Variants in DGKI observed in about 807,000 individuals in gnomAD.
DGKI encodes DAG kinase iota.
A neutral mutation model predicts 147.5 loss-of-function variants in DGKI; 55 were observed. The observed-to-expected ratio is 0.37, with a 90% CI of 0.30 to 0.47. The LOEUF is 0.47. Ranked by LOEUF, DGKI falls within the 20% of genes least tolerant of loss-of-function variation. The pLI is 1.00. For synonymous variants in DGKI, 469 were observed against 477.1 expected (o/e 0.98, Z 0.22); for missense variants, 1,007 against 1,323.8 (o/e 0.76, Z 3.71).
intron 2 of DGKI, 79 bp from the exon 3 acceptor site, chr7:137,678,731 T>A: frequency 7.6e-7 from 1 of 1,307,274 alleles, no homozygotes; most frequent in South Asian, 1.2e-5. Flanking sequence ...AGATTTGGGA[T>A]ACAAGAAAGT....
chr7:137,611,659 A>G (rs1820368507), intron 8 of DGKI, among the ~76,000 whole-genome samples: 1 of 152,190 alleles, frequency 6.6e-6, no homozygotes. Context: ...AGTTATAACC[A>G]GCAAAGGTAC....
chr7:137,413,845 T>A (rs1812257155), intron 28 of DGKI, among the ~76,000 whole-genome samples: 1 of 152,218 alleles, frequency 6.6e-6, no homozygotes, highest in Non-Finnish European at 1.5e-5. Flanking sequence ...TTAAGTTCTT[T>A]GAGAAATCTC....
intron 23 of DGKI, among the ~76,000 whole-genome samples, chr7:137,474,952 T>C (rs929834910): frequency 8.5e-5 from 13 of 152,170 alleles, no homozygotes; most frequent in Admixed American, 7.9e-4. Flanking sequence ...CATAAAGGGT[T>C]CTTTTGAGGA....
chr7:137,768,990 T>C (rs552448836), intron 1 of DGKI, among the ~76,000 whole-genome samples: 2 of 152,158 alleles, frequency 1.3e-5, no homozygotes, highest in Non-Finnish European at 2.9e-5. Flanking sequence ...AAAATACCAG[T>C]CACTATAAGA....
At chr7:137,729,919 C>T (rs1794823179) in intron 1 of DGKI, among the ~76,000 whole-genome samples, 1 of 152,098 alleles carries the variant, frequency 6.6e-6, no homozygotes, top group Admixed American at 6.6e-5. Flanking sequence ...TGACACTGAT[C>T]AAACGTAGTG....
At chr7:137,613,688 C>T (rs1016257749) in intron 8 of DGKI, among the ~76,000 whole-genome samples, 3 of 152,056 alleles carry the variant, frequency 2.0e-5, no homozygotes, top group Admixed American at 6.6e-5. Context: ...ACATTAGAAA[C>T]AATATAAATA....
At chr7:137,625,937 C>A (rs140318809) in intron 6 of DGKI, among the ~76,000 whole-genome samples, 2 of 152,132 alleles carry the variant, frequency 1.3e-5, no homozygotes, top group Non-Finnish European at 2.9e-5. Context: ...GTGAAAAGTG[C>A]TTATGTGAAA....
At chr7:137,420,928 A>G (rs1812544119) in intron 28 of DGKI, among the ~76,000 whole-genome samples, 1 of 152,178 alleles carries the variant, frequency 6.6e-6, no homozygotes, top group African/African-American at 2.4e-5. Context: ...CTAAGACAAG[A>G]GAATTGCTTG....
chr7:137,735,653 G>C (rs992236861), intron 1 of DGKI, among the ~76,000 whole-genome samples: 2 of 152,102 alleles, frequency 1.3e-5, no homozygotes, highest in African/African-American at 4.8e-5. Flanking sequence ...AGAAGTGCCA[G>C]TATATAAACT....
chr7:137,707,164 C>T (rs1231145744), intron 1 of DGKI, among the ~76,000 whole-genome samples: 2 of 152,138 alleles, frequency 1.3e-5, no homozygotes, highest in Admixed American at 6.5e-5. Context: ...CTCCCTTAGA[C>T]CTGTGGTACA....
At chr7:137,620,451 A>G (rs1034093897) in intron 7 of DGKI, among the ~76,000 whole-genome samples, 5 of 152,178 alleles carry the variant, frequency 3.3e-5, no homozygotes, top group Admixed American at 3.3e-4. Context: ...TTTTCCTATC[A>G]TAGATATAAA....
At chr7:137,810,959 G>GTACATTC (rs1335486476) in intron 1 of DGKI, among the ~76,000 whole-genome samples, 1 of 152,134 alleles carries the variant, frequency 6.6e-6, no homozygotes, top group Non-Finnish European at 1.5e-5. Context: ...ATCTTATGTA[G>GTACATTC]TACATTCTAC....
At position 137,412,161 on chromosome 7, in the gene DGKI, A is replaced by T. The variant is rs373452770; in HGVS notation, c.2799+9T>A. On this transcript the variant is annotated intron_variant, in intron 29 of 32. Coordinates refer to ENST00000614521, the MANE Select transcript of DGKI (RefSeq NM_001321708.2). ...GCATCGCCAAAGATTTGGTAGGAAG[A>T]TATCTTACCTTCATAAGATCACCAG... 6.2e-7 allele frequency: 1 copy of T among 1,612,504 alleles called. No individual in the cohort carries two copies.
intron 1 of DGKI, among the ~76,000 whole-genome samples, chr7:137,734,489 C>T (rs1039887007): frequency 5.3e-5 from 8 of 152,060 alleles, no homozygotes; most frequent in South Asian, 2.1e-4. Flanking sequence ...TGCTCTTCGT[C>T]ATATCTTTTA....
chr7:137,779,571 G>A (rs1413616818), intron 1 of DGKI, among the ~76,000 whole-genome samples: 4 of 152,080 alleles, frequency 2.6e-5, no homozygotes, highest in East Asian at 1.9e-4. Context: ...TCTGATAATC[G>A]ATTTGTATCC....
chr7:137,714,181 C>T (rs1486393788), intron 1 of DGKI, among the ~76,000 whole-genome samples: 1 of 152,000 alleles, frequency 6.6e-6, no homozygotes, highest in Non-Finnish European at 1.5e-5. Flanking sequence ...TTCCTTTTTC[C>T]AGTTTTAAAA....
chr7:137,576,206 T>C (rs904348898), intron 17 of DGKI, among the ~76,000 whole-genome samples: 2 of 151,792 alleles, frequency 1.3e-5, no homozygotes, highest in Non-Finnish European at 2.9e-5. Flanking sequence ...CCTGCCTAAT[T>C]TTTTGTATTT....
At chr7:137,602,711 T>C (rs141389904) in intron 10 of DGKI, among the ~76,000 whole-genome samples, 22 of 152,278 alleles carry the variant, frequency 1.4e-4, no homozygotes, top group Non-Finnish European at 2.4e-4. Context: ...ACTGAATGGT[T>C]TGACAAATAT....
At chr7:137,709,171 G>T (rs994833397) in intron 1 of DGKI, among the ~76,000 whole-genome samples, 1 of 152,220 alleles carries the variant, frequency 6.6e-6, no homozygotes, top group South Asian at 2.1e-4. Flanking sequence ...TAAAGCTTCA[G>T]TGTACTTGAT....
Sources: gnomAD v4.1 joint callset for allele counts (sites outside exome capture counted in the v4.1 genomes callset) on GRCh38, gnomAD v4.1.1 for gene constraint, MANE v1.5 for transcripts, NCBI Gene and HGNC (gene_info 2026-07-23, HGNC 2026-07-21) for gene names.